The following PIGN variants were observed in gnomAD, a reference collection of about 807,000 sequenced individuals.
The protein encoded by PIGN is GPI ethanolamine phosphate transferase 1.
Under a neutral mutation model 125.4 loss-of-function variants are expected in PIGN, and 117 were observed. The ratio of observed to expected loss-of-function variants is 0.93; its 90% CI spans 0.80 to 1.09. PIGN has a LOEUF of 1.09. Among genes scored for constraint, PIGN ranks in the 50% least tolerant of loss-of-function variants. The pLI, the probability that PIGN is intolerant of heterozygous loss-of-function variation, is 0.00. For synonymous variants in PIGN, 392 were observed against 377.8 expected (o/e 1.04, Z -0.44); for missense variants, 1,075 against 1,094.9 (o/e 0.98, Z 0.26).
At position 62,143,338 on chromosome 18, in the gene PIGN, A is replaced by G. The variant is rs369242084; in HGVS notation, c.931T>C (p.Leu311=). 138 of 1,517,610 alleles carry G rather than the reference A, an allele frequency of 9.1e-5. No individual in the cohort carries two copies. Among genetic ancestry groups the G allele is most frequent in the Non-Finnish European group, 1.1e-4 (124 of 1,103,708 alleles). 94.0% of individuals were successfully genotyped at this position (1,517,610 alleles called of 1,614,324 possible). A position where few individuals can be genotyped will look rare whatever the true frequency, so the allele number is the denominator to read the frequency against. ...FDDAFLKEWR[L]ENWKRLDVNQ... ...ACATCTAGCCTCTTCCAATTCTCCA[A>G]TCTCCACTCTGAAAGATACAATCAG... Residue 311 remains leucine (L), a synonymous_variant, in exon 11 of 31, where the codon TTG becomes CTG. Coordinates refer to ENST00000640252, the MANE Select transcript of PIGN (RefSeq NM_176787.5).
intron 11 of PIGN, among the ~76,000 whole-genome samples, chr18:62,141,906 T>C (rs2036150416): frequency 6.6e-6 from 1 of 152,200 alleles, no homozygotes; most frequent in Non-Finnish European, 1.5e-5. Flanking sequence ...TCACCAGAAC[T>C]TAGTGTACAC....
At chr18:62,146,181 T>C (rs900356740) in intron 9 of PIGN, among the ~76,000 whole-genome samples, 156 bp from the exon 10 acceptor site, 5 of 152,200 alleles carry the variant, frequency 3.3e-5, no homozygotes, top group African/African-American at 1.2e-4. Flanking sequence ...TGGCAATTAG[T>C]TTGACAATAT....
At chr18:62,171,029 C>G (rs1328651987) in intron 1 of PIGN, among the ~76,000 whole-genome samples, 1 of 152,122 alleles carries the variant, frequency 6.6e-6, no homozygotes, top group African/African-American at 2.4e-5. Context: ...AAGTCAGTAT[C>G]TATAAAAAAG....
intron 1 of PIGN, 79 bp downstream of exon 1, chr18:62,186,765 T>A (rs1016765225): frequency 1.3e-5 from 2 of 152,224 alleles, no homozygotes; most frequent in Non-Finnish European, 2.9e-5. Context: ...TGCAGCGCAG[T>A]AGGGAAACAG....
intron 13 of PIGN, among the ~76,000 whole-genome samples, 169 bp downstream of exon 13, chr18:62,138,814 T>C (rs1328056026): frequency 6.6e-6 from 1 of 152,202 alleles, no homozygotes; most frequent in Non-Finnish European, 1.5e-5. Flanking sequence ...GACTGAGCCA[T>C]AGAACCTACC....
intron 30 of PIGN, among the ~76,000 whole-genome samples, chr18:62,062,882 C>CTTTTT (rs71160811): frequency 5.2e-4 from 11 of 21,058 alleles, no homozygotes; most frequent in East Asian, 1.6e-3. Context: ...TTGTATTCTG[C>CTTTTT]TTTTTTTTTT....
At chr18:62,053,053 C>T (rs2031444920) in intron 30 of PIGN, 2 of 303,906 alleles carry the variant, frequency 6.6e-6, no homozygotes, top group East Asian at 9.5e-5. Flanking sequence ...AATAAGTTTT[C>T]CTTGTCCTCT....
chr18:62,085,057 G>A (rs1003847549), intron 26 of PIGN, among the ~76,000 whole-genome samples, 152 bp downstream of exon 26: 1 of 151,700 alleles, frequency 6.6e-6, no homozygotes, highest in African/African-American at 2.4e-5. Context: ...GCAATGAGCC[G>A]AGATCACACC....
intron 9 of PIGN, 130 bp downstream of exon 9, chr18:62,146,841 G>T: frequency 1.2e-6 from 1 of 818,112 alleles, no homozygotes; most frequent in Non-Finnish European, 1.7e-6. Flanking sequence ...AACATTTTAA[G>T]CACAGAATTA....
intron 23 of PIGN, among the ~76,000 whole-genome samples, chr18:62,029,806 T>C (rs930171): frequency 0.42 from 64,352 of 152,060 alleles, 14,878 homozygotes; most frequent in Non-Finnish European, 0.49. Flanking sequence ...CAGCTCACAT[T>C]AAAGCATTCA....
chr18:62,038,792 C>T (rs920974214), downstream of PIGN, among the ~76,000 whole-genome samples: 1 of 152,094 alleles, frequency 6.6e-6, no homozygotes, highest in South Asian at 2.1e-4. Flanking sequence ...TAAAAATTAG[C>T]CCGTGGTTCC....
chr18:62,101,206 T>C (rs754336841), intron 21 of PIGN, 23 bp from the exon 22 acceptor site: 22 of 1,354,616 alleles, frequency 1.6e-5, no homozygotes, highest in Non-Finnish European at 2.3e-5. Context: ...ATGAAATAGG[T>C]TAAAAAAAGA....
At chr18:62,107,882 A>G (rs561496867) in intron 17 of PIGN, among the ~76,000 whole-genome samples, 2 of 152,306 alleles carry the variant, frequency 1.3e-5, no homozygotes, top group African/African-American at 4.8e-5. Context: ...ACCTTTTCCA[A>G]ACCCAATTTA....
intron 22 of PIGN, among the ~76,000 whole-genome samples, chr18:62,098,392 G>A (rs997528415): frequency 8.5e-5 from 13 of 152,184 alleles, no homozygotes; most frequent in Non-Finnish European, 1.5e-4. Context: ...GATTTTAAAA[G>A]TCAGTTAATC....
chr18:62,145,909 C>G lies in PIGN; in HGVS notation c.922G>C (p.Glu308Gln). Residue 308 changes from glutamate (E) to glutamine (Q), a missense_variant and splice_region_variant, in exon 10 of 31, where the codon GAG (glutamate) becomes CAG (glutamine). Around this residue, in one of 3 missense-constraint regions of PIGN, gnomAD observed 915 missense variants for 908.7 expected, o/e 1.01. Coordinates refer to ENST00000640252, the MANE Select transcript of PIGN (RefSeq NM_176787.5). ...TAAACCAGTAAAGAAATGCTTGTAC[C>G]TTTCAAAAATGCATCATCAAATTGC... ...AQQFDDAFLK[E>Q]WRLENWKRLD... 6.9e-7 allele frequency: 1 copy of G among 1,459,120 alleles called. No individual in the cohort carries two copies. The highest frequency in any genetic ancestry group is 9.6e-7 in the Non-Finnish European group (1 of 1,040,126). The allele number at this position is 1,459,120 out of a possible 1,614,324, so 90.4% of individuals were successfully genotyped here. A position where few individuals can be genotyped will look rare whatever the true frequency, so the allele number is the denominator to read the frequency against.
intron 7 of PIGN, among the ~76,000 whole-genome samples, chr18:62,152,150 T>C (rs1384043822): frequency 6.6e-6 from 1 of 152,152 alleles, no homozygotes; most frequent in East Asian, 1.9e-4. Flanking sequence ...CGGTTGGCAA[T>C]TGGTTGAGTT....
At chr18:62,029,584 AC>A (rs1439434827) in intron 23 of PIGN, among the ~76,000 whole-genome samples, 1 of 152,218 alleles carries the variant, frequency 6.6e-6, no homozygotes, top group Non-Finnish European at 1.5e-5. Context: ...GGTATTTAGT[AC>A]CGGTGACTGC....
At position 62,077,678 on chromosome 18, in the gene PIGN, T is replaced by C. The variant is rs1012050919; in HGVS notation, c.2577-2857A>G. 2.0e-5 allele frequency among the ~76,000 whole-genome samples: 3 copies of C among 152,300 alleles called. No individual in the cohort carries two copies. The East Asian group carries it at 5.8e-4, about 29-fold the overall frequency. ...AATACAGTGCCTGACATATGGTATC[T>C]GCCTAGTAAATATCGGTTTCATTCT... On this transcript the variant is annotated intron_variant, in intron 28 of 30. Transcript: ENST00000640252.
intron 15 of PIGN, among the ~76,000 whole-genome samples, chr18:62,114,084 G>T (rs938347532): frequency 2.6e-5 from 4 of 152,096 alleles, no homozygotes; most frequent in Non-Finnish European, 4.4e-5. Flanking sequence ...AATGTGGGCC[G>T]GGTGCGGTGG....
Sources: gnomAD v4.1 joint callset for allele counts (sites outside exome capture counted in the v4.1 genomes callset) on GRCh38, gnomAD v4.1.1 for gene constraint, gnomAD v4.1.1 regional missense constraint, MANE v1.5 for transcripts, NCBI Gene and HGNC (gene_info 2026-07-23, HGNC 2026-07-21) for gene names.